Variants in XKR9 observed in about 807,000 individuals in gnomAD.
XKR9 encodes the protein XK-related protein 9.
XKR9 carries 32 observed loss-of-function variants against 32.0 expected under a neutral mutation model. That is an observed-to-expected ratio of 1.00 (90% CI 0.76 to 1.34). The LOEUF is 1.34. XKR9 is among the 40% of genes most tolerant of loss of function. The probability of loss-of-function intolerance (pLI) is 0.00; values close to 1 mark genes in which losing one functional copy is unlikely to be tolerated. For missense variants in XKR9, 546 were observed against 429.7 expected, an observed-to-expected ratio of 1.27 and a Z score of -2.39; for synonymous variants, 168 against 143.4, an observed-to-expected ratio of 1.17 and a Z score of -1.22.
intron 3 of XKR9, among the ~76,000 whole-genome samples, chr8:70,682,608 T>C (rs921166953): frequency 6.6e-6 from 1 of 152,194 alleles, no homozygotes; most frequent in African/African-American, 2.4e-5. Flanking sequence ...ACTGTTTTGC[T>C]TTTTCTCTAG....
At chr8:71,025,093 C>T in the XKR9 span, among the ~76,000 whole-genome samples, 1 of 152,168 alleles carries the variant, frequency 6.6e-6, no homozygotes, top group African/African-American at 2.4e-5. Context: ...CTATTTTATT[C>T]ATGAGGAAAT....
chr8:70,912,249 T>A, the XKR9 span, among the ~76,000 whole-genome samples: 1 of 152,054 alleles, frequency 6.6e-6, no homozygotes, highest in Non-Finnish European at 1.5e-5. Flanking sequence ...TTGAAAACAT[T>A]TTGTGACATG....
At chr8:71,021,498 C>CTTTTT in the XKR9 span, among the ~76,000 whole-genome samples, 22 of 101,396 alleles carry the variant, frequency 2.2e-4, no homozygotes, top group South Asian at 3.2e-4. Context: ...TTGATGGTTT[C>CTTTTT]TTTTTTTTTT....
At chr8:70,779,310 C>T (rs1003348071) in intron 2 of XKR9, among the ~76,000 whole-genome samples, 2 of 152,116 alleles carry the variant, frequency 1.3e-5, no homozygotes, top group East Asian at 1.9e-4. Context: ...CCAACTTGTT[C>T]GTGGTGGATA....
the XKR9 span, among the ~76,000 whole-genome samples, chr8:70,855,827 A>C: frequency 6.6e-6 from 1 of 152,242 alleles, no homozygotes; most frequent in Admixed American, 6.5e-5. Flanking sequence ...AATATTCAAC[A>C]ATCTTAAAGA....
At chr8:70,910,237 CCTT>C in the XKR9 span, among the ~76,000 whole-genome samples, 6 of 152,230 alleles carry the variant, frequency 3.9e-5, no homozygotes, top group African/African-American at 1.2e-4. Context: ...CAGCTCCAGG[CCTT>C]CTTCTTGTTA....
chr8:70,985,321 C>T, the XKR9 span, among the ~76,000 whole-genome samples: 1 of 152,276 alleles, frequency 6.6e-6, no homozygotes, highest in African/African-American at 2.4e-5. Context: ...TCATTCATGT[C>T]CCTGCAAAGG....
At chr8:70,702,743 T>C (rs1805582199) in intron 3 of XKR9, among the ~76,000 whole-genome samples, 1 of 152,198 alleles carries the variant, frequency 6.6e-6, no homozygotes, top group Non-Finnish European at 1.5e-5. Flanking sequence ...AATATAGCCA[T>C]ATGAAGTTTT....
the XKR9 span, among the ~76,000 whole-genome samples, chr8:70,998,880 G>C: frequency 1.3e-5 from 2 of 152,304 alleles, no homozygotes; most frequent in South Asian, 4.2e-4. Flanking sequence ...GTGGAAGATT[G>C]ATTCCAGGAC....
chr8:70,796,699 A>T, the XKR9 span, among the ~76,000 whole-genome samples: 3 of 152,232 alleles, frequency 2.0e-5, no homozygotes, highest in African/African-American at 4.8e-5. Context: ...AAGAAATGTC[A>T]ATAGAATACC....
chr8:70,741,186 G>T (rs1237988450), intron 2 of XKR9, among the ~76,000 whole-genome samples: 1 of 152,148 alleles, frequency 6.6e-6, no homozygotes, highest in Non-Finnish European at 1.5e-5. Flanking sequence ...GGTGTAGGTG[G>T]TGGGGACTTT....
At chr8:70,821,865 G>A in the XKR9 span, among the ~76,000 whole-genome samples, 1 of 152,166 alleles carries the variant, frequency 6.6e-6, no homozygotes, top group African/African-American at 2.4e-5. Flanking sequence ...GGGAGGGGCT[G>A]CCGTGAAGGT....
At chr8:70,788,870 C>T (rs1399597334) in intron 2 of XKR9, among the ~76,000 whole-genome samples, 1 of 151,988 alleles carries the variant, frequency 6.6e-6, no homozygotes, top group Non-Finnish European at 1.5e-5. Flanking sequence ...TGTGTTGGGG[C>T]TATACATATA....
the XKR9 span, among the ~76,000 whole-genome samples, chr8:70,938,330 G>A: frequency 2.0e-5 from 3 of 151,844 alleles, no homozygotes; most frequent in Non-Finnish European, 4.4e-5. Context: ...GGTTGGTCCT[G>A]CTTGGGAACA....
At chr8:71,059,816 A>C in the XKR9 span, among the ~76,000 whole-genome samples, 2 of 152,160 alleles carry the variant, frequency 1.3e-5, no homozygotes, top group African/African-American at 4.8e-5. Flanking sequence ...TGTGGTCTCC[A>C]TTGTTTAGTC....
chr8:70,826,281 C>T, the XKR9 span, among the ~76,000 whole-genome samples: 3 of 152,096 alleles, frequency 2.0e-5, no homozygotes, highest in Non-Finnish European at 4.4e-5. Flanking sequence ...TTGAACTAAT[C>T]AGTTTGTGGC....
the XKR9 span, among the ~76,000 whole-genome samples, chr8:71,049,648 T>C: frequency 6.6e-6 from 1 of 152,052 alleles, no homozygotes; most frequent in African/African-American, 2.4e-5. Flanking sequence ...AGAATGGAAG[T>C]CAGAAGGAGG....
chr8:71,019,925 A>C, the XKR9 span, among the ~76,000 whole-genome samples: 11 of 152,182 alleles, frequency 7.2e-5, no homozygotes, highest in Admixed American at 2.0e-4. Flanking sequence ...CATATAAAAT[A>C]CTGACATACC....
the XKR9 span, among the ~76,000 whole-genome samples, chr8:70,926,209 G>C: frequency 6.6e-6 from 1 of 152,204 alleles, no homozygotes; most frequent in African/African-American, 2.4e-5. Context: ...TGAGTAGCTG[G>C]GATTACAGGC....
Sources: gnomAD v4.1 joint callset for allele counts (sites outside exome capture counted in the v4.1 genomes callset) on GRCh38, gnomAD v4.1.1 for gene constraint, MANE v1.5 for transcripts, NCBI Gene and HGNC (gene_info 2026-07-23, HGNC 2026-07-21) for gene names.